TNRC6A: variants seen among roughly 807,000 people sequenced by gnomAD.
The protein encoded by TNRC6A is trinucleotide repeat containing adaptor 6A.
TNRC6A carries 44 observed loss-of-function variants against 221.2 expected under a neutral mutation model. The observed-to-expected ratio is 0.20, with a 90% CI of 0.16 to 0.26. The LOEUF is 0.26. Ranked by LOEUF, TNRC6A falls within the 10% of genes least tolerant of loss-of-function variation. The pLI, the probability that TNRC6A is intolerant of heterozygous loss-of-function variation, is 1.00. For synonymous variants in TNRC6A, 847 were observed against 838.5 expected, an observed-to-expected ratio of 1.01 and a Z score of -0.18; for missense variants, 2,199 against 2,404.4, an observed-to-expected ratio of 0.91 and a Z score of 1.79.
intron 17 of TNRC6A, 54 bp downstream of exon 17, chr16:24,806,838 G>C (rs983361011): frequency 1.3e-6 from 2 of 1,542,130 alleles, no homozygotes; most frequent in African/African-American, 2.7e-5. Context: ...TCACAGGCGT[G>C]CCTCCTTCAC....
chr16:24,640,330 G>A (rs1490526658), intron 1 of TNRC6A, among the ~76,000 whole-genome samples: 1 of 151,760 alleles, frequency 6.6e-6, no homozygotes, highest in African/African-American at 2.4e-5. Context: ...AGCCTGGGAG[G>A]CCAAGGCTGC....
At chr16:24,727,533 C>T (rs886459706), upstream of TNRC6A, among the ~76,000 whole-genome samples, 3 of 152,018 alleles carry the variant, frequency 2.0e-5, no homozygotes, top group African/African-American at 7.3e-5. Context: ...AAGTTCATTG[C>T]TAAATGTCCC....
chr16:24,648,274 C>CTTTTTTTTTTTTTTTTTTTTTTTT (rs71156430), intron 2 of TNRC6A, among the ~76,000 whole-genome samples: 1 of 97,890 alleles, frequency 1.0e-5, no homozygotes. Flanking sequence ...TCCACAGCAA[C>CTTTTTTTTTTTTTTTTTTTTTTTT]TTTTTTTTTT....
chr16:24,771,566 G>GTT (rs879687692), intron 4 of TNRC6A, among the ~76,000 whole-genome samples: 4,622 of 96,068 alleles, frequency 0.048, 174 homozygotes, highest in East Asian at 0.13. Context: ...TATGTTTTAT[G>GTT]TTATGTTATG....
intron 2 of TNRC6A, among the ~76,000 whole-genome samples, chr16:24,690,100 C>T (rs1328865711): frequency 6.7e-6 from 1 of 149,606 alleles, no homozygotes; most frequent in Non-Finnish European, 1.5e-5. Flanking sequence ...GTCTCAAACT[C>T]CTGGGCTCAA....
chr16:24,641,702 A>T (rs1280248626), intron 2 of TNRC6A, among the ~76,000 whole-genome samples: 1 of 152,242 alleles, frequency 6.6e-6, no homozygotes, highest in Non-Finnish European at 1.5e-5. Context: ...TTATTTGTAA[A>T]CATGAGTACT....
intron 1 of TNRC6A, among the ~76,000 whole-genome samples, chr16:24,616,700 A>AG (rs1900369002): frequency 6.6e-6 from 1 of 152,142 alleles, no homozygotes; most frequent in Non-Finnish European, 1.5e-5. Flanking sequence ...GGAGGCTGAG[A>AG]GGCGGGTGGA....
At chr16:24,754,929 G>A (rs751960792) in intron 3 of TNRC6A, among the ~76,000 whole-genome samples, 1 of 152,176 alleles carries the variant, frequency 6.6e-6, no homozygotes, top group African/African-American at 2.4e-5. Context: ...GTTTAAATGA[G>A]ACCTAGGTTT....
intron 5 of TNRC6A, among the ~76,000 whole-genome samples, chr16:24,782,159 C>G (rs570127808): frequency 1.3e-5 from 2 of 152,140 alleles, no homozygotes; most frequent in African/African-American, 2.4e-5. Flanking sequence ...TTTCCCATCT[C>G]CCTTTGATAC....
intron 2 of TNRC6A, among the ~76,000 whole-genome samples, chr16:24,696,084 C>T (rs926701047): frequency 2.6e-5 from 4 of 152,070 alleles, no homozygotes; most frequent in African/African-American, 7.2e-5. Context: ...AGCGGTGGCT[C>T]GCCCCTGTAA....
intron 2 of TNRC6A, among the ~76,000 whole-genome samples, chr16:24,733,651 A>G (rs1427997332): frequency 6.6e-6 from 1 of 152,238 alleles, no homozygotes; most frequent in African/African-American, 2.4e-5. Flanking sequence ...TTCAGGTTAT[A>G]TAAGGTATTT....
chr16:24,793,602 C>A lies in TNRC6A; in HGVS notation c.3305C>A (p.Ser1102Tyr). 1 of 1,556,594 alleles carries A rather than the reference C, an allele frequency of 6.4e-7. No individual in the cohort carries two copies. Among genetic ancestry groups the A allele is most frequent in the South Asian group, 1.3e-5 (1 of 78,880 alleles). Residue 1102 changes from serine (S) to tyrosine (Y), a missense_variant, in exon 7 of 25, where the codon TCC becomes TAC. Physicochemically the swap from Ser to Tyr is moderately radical, Grantham distance 144. Coordinates refer to ENST00000395799, the MANE Select transcript of TNRC6A (RefSeq NM_014494.4). ...CCCATTGCTGCGGCATCCAGCACAT[C>A]CACGTGGGGCTCCAGCTCTGTTGGT... Reference protein sequence around the residue: ...GEPIAAASSTSTWGSSSVGPQ... With the variant: ...GEPIAAASSTYTWGSSSVGPQ...
chr16:24,647,641 TC>T (rs1355785707), intron 2 of TNRC6A, among the ~76,000 whole-genome samples: 1 of 152,060 alleles, frequency 6.6e-6, no homozygotes, highest in African/African-American at 2.4e-5. Context: ...AAACACTAAC[TC>T]CCCCTTTCGC....
Position 24,805,637 on chromosome 16 carries a change from C to T in TNRC6A, c.4155C>T (p.Asn1385=). The change falls in exon 15 of 25, where the codon AAC becomes AAT. Residue 1385 remains asparagine (N), a synonymous_variant. Coordinates refer to ENST00000395799, the MANE Select transcript of TNRC6A (RefSeq NM_014494.4). ...TTTCATTGCTGAAGTATGCACCAAA[C>T]AACGGTGGCCTGAATCCACTCTTTG... ...VPVSLLKYAP[N]NGGLNPLFGP... is the part of the protein sequence containing the mutation. 6 of 1,614,222 alleles carry T rather than the reference C, an allele frequency of 3.7e-6. No homozygotes were observed. Among genetic ancestry groups the T allele is most frequent in the Non-Finnish European group, 5.1e-6 (6 of 1,180,028 alleles).
chr16:24,823,125 C>T lies in TNRC6A; in HGVS notation c.5513+112C>T. Reference sequence around the variant, plus strand: ...CTGCGTGGGTGGCTCCTGCTGGCTGCAGTAGTGCCCTGATTCCAAGGTCGG... The same window carrying T: ...CTGCGTGGGTGGCTCCTGCTGGCTGTAGTAGTGCCCTGATTCCAAGGTCGG... On this transcript the variant is annotated intron_variant, in intron 24 of 24. Coordinates refer to ENST00000395799, the MANE Select transcript of TNRC6A (RefSeq NM_014494.4). The surrounding 1 kb of genome is among the most constrained non-coding windows in gnomAD (Gnocchi z 4.3). 2.1e-6 allele frequency: 3 copies of T among 1,401,164 alleles called. No homozygotes were observed. The highest frequency in any genetic ancestry group is 2.0e-6 in the Non-Finnish European group (2 of 1,011,710). 86.8% of individuals were successfully genotyped at this position (1,401,164 alleles called of 1,614,324 possible).
At chr16:24,677,690 A>G (rs2055447211) in intron 2 of TNRC6A, among the ~76,000 whole-genome samples, 1 of 152,172 alleles carries the variant, frequency 6.6e-6, no homozygotes, top group Non-Finnish European at 1.5e-5. Context: ...TCTGCTCTTC[A>G]GTAAACTCCA....
chr16:24,669,025 C>T (rs1483264697), intron 2 of TNRC6A, among the ~76,000 whole-genome samples: 1 of 151,334 alleles, frequency 6.6e-6, no homozygotes, highest in Non-Finnish European at 1.5e-5. Flanking sequence ...TTCACATTTT[C>T]CACAGTGCGA....
chr16:24,723,683 A>G (rs2056449339), intron 2 of TNRC6A, among the ~76,000 whole-genome samples: 1 of 151,776 alleles, frequency 6.6e-6, no homozygotes, highest in South Asian at 2.1e-4. Context: ...CTGGACATTC[A>G]CACAGGTAAA....
chr16:24,674,345 C>T (rs914354568), intron 2 of TNRC6A, among the ~76,000 whole-genome samples: 7 of 152,000 alleles, frequency 4.6e-5, no homozygotes, highest in East Asian at 1.9e-4. Context: ...TTCAAAGCTA[C>T]GGTGAGCTAT....
Sources: allele counts gnomAD v4.1 joint callset (sites outside exome capture counted in the v4.1 genomes callset), GRCh38; gene constraint gnomAD v4.1.1; non-coding constraint Gnocchi (gnomAD v3.1); transcripts MANE v1.5; gene names NCBI Gene and HGNC (gene_info 2026-07-23, HGNC 2026-07-21).